Variants in CDH4 observed in about 807,000 individuals in gnomAD.
The protein encoded by CDH4 is cadherin-4.
A neutral mutation model predicts 86.0 loss-of-function variants in CDH4; 33 were observed. That is an observed-to-expected ratio of 0.38 (90% confidence interval 0.29 to 0.51). CDH4 has a LOEUF of 0.51. Ranked by LOEUF, CDH4 falls within the 20% of genes least tolerant of loss-of-function variation. CDH4 has a pLI of 0.86. For missense variants in CDH4, 1,114 were observed against 1,307.4 expected, an observed-to-expected ratio of 0.85 and a Z score of 2.28; for synonymous variants, 555 against 549.4, an observed-to-expected ratio of 1.01 and a Z score of -0.14.
chr20:61,764,718 T>C (rs906069726), intron 3 of CDH4, among the ~76,000 whole-genome samples: 5 of 152,314 alleles, frequency 3.3e-5, no homozygotes, highest in Admixed American at 1.3e-4. Context: ...AAAGTGAAGC[T>C]TCCGCTCCCC....
intron 2 of CDH4, among the ~76,000 whole-genome samples, chr20:61,742,467 C>G (rs567736427): frequency 1.3e-5 from 2 of 152,282 alleles, no homozygotes; most frequent in African/African-American, 4.8e-5. Context: ...GGGGAAAACA[C>G]TTTATCTAAT....
chr20:61,688,894 G>A (rs1004216455), intron 2 of CDH4, among the ~76,000 whole-genome samples: 7 of 152,232 alleles, frequency 4.6e-5, no homozygotes, highest in Admixed American at 3.9e-4. Context: ...GAGAGGCACC[G>A]CTAGTTAGGT....
chr20:61,266,744 G>A (rs4810227), intron 2 of CDH4, among the ~76,000 whole-genome samples: 79,331 of 151,668 alleles, frequency 0.52, 22,380 homozygotes, highest in South Asian at 0.62. Context: ...TCCCTGCCTG[G>A]GGGGTGCTTG....
chr20:61,506,320 C>T (rs575447673), intron 2 of CDH4, among the ~76,000 whole-genome samples: 3 of 152,184 alleles, frequency 2.0e-5, no homozygotes, highest in African/African-American at 7.2e-5. Context: ...GCCTTAAACT[C>T]GAAACATTAC....
At chr20:61,912,142 G>A (rs1363229466) in intron 9 of CDH4, among the ~76,000 whole-genome samples, 1 of 152,174 alleles carries the variant, frequency 6.6e-6, no homozygotes, top group Non-Finnish European at 1.5e-5. Flanking sequence ...AAAAAGGGGG[G>A]AAGAATGGCT....
chr20:61,920,009 A>ATTGCATGGAAGCATGTT (rs2054953148), intron 9 of CDH4, among the ~76,000 whole-genome samples: 3 of 84,786 alleles, frequency 3.5e-5, no homozygotes, highest in African/African-American at 1.4e-4. Context: ...GTGGTGTCAC[A>ATTGCATGGAAGCATGTT]GTGATTGCGT....
intron 2 of CDH4, among the ~76,000 whole-genome samples, chr20:61,276,297 T>C (rs1350420073): frequency 6.6e-6 from 1 of 152,198 alleles, no homozygotes; most frequent in African/African-American, 2.4e-5. Context: ...AAGTGCACAT[T>C]TGCACTTTCA....
At chr20:61,747,271 T>C (rs1292877864) in intron 3 of CDH4, among the ~76,000 whole-genome samples, 1 of 152,006 alleles carries the variant, frequency 6.6e-6, no homozygotes, top group African/African-American at 2.4e-5. Context: ...AAACTCTGTC[T>C]CTACTAAAAA....
intron 2 of CDH4, among the ~76,000 whole-genome samples, chr20:61,332,110 C>T (rs527388330): frequency 3.3e-5 from 5 of 152,290 alleles, no homozygotes; most frequent in African/African-American, 7.2e-5. Context: ...CAGCGATGCC[C>T]GGCTTCCCAG....
intron 2 of CDH4, among the ~76,000 whole-genome samples, chr20:61,389,587 G>T (rs1004433661): frequency 1.3e-5 from 2 of 152,172 alleles, no homozygotes; most frequent in Non-Finnish European, 2.9e-5. Context: ...GAAAAGACTG[G>T]GAGAACGCCT....
At chr20:61,659,171 C>T (rs557543220) in intron 2 of CDH4, among the ~76,000 whole-genome samples, 130 of 152,246 alleles carry the variant, frequency 8.5e-4, no homozygotes, top group Non-Finnish European at 1.1e-3. Context: ...GCCTGGGACA[C>T]GCCACGTGAG....
chr20:61,376,926 A>G (rs1476870254), intron 2 of CDH4, among the ~76,000 whole-genome samples: 1 of 152,198 alleles, frequency 6.6e-6, no homozygotes, highest in Non-Finnish European at 1.5e-5. Context: ...TGGTTCTGAC[A>G]CTGATGGGCA....
At chr20:61,545,642 T>C (rs1056741987) in intron 2 of CDH4, among the ~76,000 whole-genome samples, 1 of 152,258 alleles carries the variant, frequency 6.6e-6, no homozygotes, top group African/African-American at 2.4e-5. Context: ...CTGGAGCTGC[T>C]GGCAGAGCCG....
intron 2 of CDH4, among the ~76,000 whole-genome samples, chr20:61,271,644 T>TA (rs1306968016): frequency 1.3e-5 from 2 of 152,204 alleles, no homozygotes; most frequent in African/African-American, 2.4e-5. Context: ...GGCCTCTTCT[T>TA]ACAGCGGTGC....
chr20:61,911,518 C>A (rs2054850645), intron 9 of CDH4, among the ~76,000 whole-genome samples: 1 of 152,200 alleles, frequency 6.6e-6, no homozygotes, highest in East Asian at 1.9e-4. Flanking sequence ...AAGAAAAGAG[C>A]AAGAGCACAT....
intron 2 of CDH4, among the ~76,000 whole-genome samples, chr20:61,469,712 A>G: frequency 6.6e-6 from 1 of 152,158 alleles, no homozygotes; most frequent in East Asian, 1.9e-4. Flanking sequence ...TTAAGTCTTT[A>G]ATCTATTTTG....
chr20:61,658,283 C>T lies in CDH4; in HGVS notation c.170-85280C>T, dbSNP rs544772181. ...GCAACCCCCGAGTCACCATCCTCTC[C>T]GAGCTCCGGATCTCTGTATTAGAGA... On this transcript the variant is annotated intron_variant, in intron 2 of 15. Transcript: ENST00000614565. Among the ~76,000 whole-genome samples, 13 of 152,094 alleles carry T rather than the reference C, an allele frequency of 8.5e-5. No homozygotes were observed. The East Asian group carries it at 1.9e-3, about 23-fold the overall frequency.
intron 2 of CDH4, among the ~76,000 whole-genome samples, chr20:61,649,645 G>A (rs2087100907): frequency 6.6e-6 from 1 of 152,210 alleles, no homozygotes; most frequent in South Asian, 2.1e-4. Flanking sequence ...GGGAGCGCGC[G>A]TGGCTGAACG....
At chr20:61,293,357 C>T (rs2084334072) in intron 2 of CDH4, among the ~76,000 whole-genome samples, 1 of 152,076 alleles carries the variant, frequency 6.6e-6, no homozygotes, top group Non-Finnish European at 1.5e-5. Context: ...AGGGTTAGTG[C>T]ACAGTTACCC....
Sources: gnomAD v4.1 joint callset for allele counts (sites outside exome capture counted in the v4.1 genomes callset) on GRCh38, gnomAD v4.1.1 for gene constraint, MANE v1.5 for transcripts, NCBI Gene and HGNC (gene_info 2026-07-23, HGNC 2026-07-21) for gene names.